URB1: variants seen among roughly 807,000 people sequenced by gnomAD.
The protein encoded by URB1 is URB1 ribosome biogenesis factor.
URB1 carries 197 observed loss-of-function variants against 242.3 expected under a neutral mutation model. The ratio of observed to expected loss-of-function variants is 0.81; its 90% CI spans 0.72 to 0.91. URB1 has a LOEUF of 0.91. Among genes scored for constraint, URB1 ranks in the 40% least tolerant of loss-of-function variants. URB1 has a pLI of 0.00. For missense variants in URB1, 2,721 were observed against 2,860.5 expected (o/e 0.95, Z 1.11); for synonymous variants, 1,153 against 1,201.8 (o/e 0.96, Z 0.84).
In URB1 at chr21:32,317,051, T is replaced by C; in HGVS notation, c.6049A>G (p.Lys2017Glu). ...ARELMKMLKD[K>E]NKPVMPARAK... ...CGGGCTGGCATGACAGGCTTGTTCT[T>C]ATCCTTGAGCATTTCTGTTAAATGC... The change falls in exon 38 of 39, where the codon AAG (lysine) becomes GAG (glutamate). Residue 2017 changes from lysine (K) to glutamate (E), a missense_variant. Lys to Glu is a moderately conservative substitution (Grantham distance 56). Coordinates refer to ENST00000382751, the MANE Select transcript of URB1 (RefSeq NM_014825.3). 2 of 1,539,712 alleles carry C rather than the reference T, an allele frequency of 1.3e-6. No homozygotes were observed. Among genetic ancestry groups the C allele is most frequent in the East Asian group, 2.4e-5 (1 of 40,818 alleles).
At position 32,334,287 on chromosome 21, in the gene URB1, C is replaced by T. The variant is rs143781762; in HGVS notation, c.4733G>A (p.Arg1578Gln). 262 of 1,551,544 alleles carry T rather than the reference C, an allele frequency of 1.7e-4. 2 individuals carry two copies. The African/African-American group carries it at 2.4e-3, about 14-fold the overall frequency. The change falls in exon 29 of 39, where the codon CGG becomes CAG. Residue 1578 changes from arginine to glutamine, a missense_variant. By Grantham distance (43) the Arg-to-Gln change is conservative. Coordinates refer to ENST00000382751, the MANE Select transcript of URB1 (RefSeq NM_014825.3). ...PAAVEHHKTCRSLGRSLWQQP... is the reference protein window; with the variant it reads ...PAAVEHHKTCQSLGRSLWQQP... The stretch of plus-strand genomic sequence containing the variant: ...CTGCCACAGTGACCTGCCCAGGCTC[C>T]GGCACGTCTTGTGATGCTCCACGGC...
At chr21:32,357,282 T>C (rs1045831514) in intron 15 of URB1, among the ~76,000 whole-genome samples, 2 of 149,738 alleles carry the variant, frequency 1.3e-5, no homozygotes, top group Non-Finnish European at 3.0e-5. Flanking sequence ...AAATTTAGTA[T>C]TGAGCCTACA....
intron 38 of URB1, 73 bp downstream of exon 38, chr21:32,316,393 C>T: frequency 6.9e-7 from 1 of 1,449,682 alleles, no homozygotes. Flanking sequence ...GTTCTAAGCA[C>T]AGAAATCACT....
At chr21:32,360,195 C>G (rs904502477) in intron 13 of URB1, among the ~76,000 whole-genome samples, 7 of 152,170 alleles carry the variant, frequency 4.6e-5, no homozygotes, top group Non-Finnish European at 8.8e-5. Context: ...TGGAATCAGG[C>G]ACCCACCAAG....
Position 32,321,842 on chromosome 21 carries a change from GGAT to G in URB1, c.5440_5442del (p.Ile1814del). 6.4e-7 allele frequency: 1 copy of G among 1,551,768 alleles called. No individual in the cohort carries two copies. The highest frequency in any genetic ancestry group is 8.7e-7 in the Non-Finnish European group (1 of 1,147,012). ...CACAGCGGGCTGTGGAAGAAGGACAGGATGATGTGGAAGATGCCACGCCGGGCA... is the reference window on the plus strand; with the variant it reads ...CACAGCGGGCTGTGGAAGAAGGACAGGATGTGGAAGATGCCACGCCGGGCA... On this transcript the variant is annotated inframe_deletion, in exon 34 of 39. Transcript: ENST00000382751.
intron 19 of URB1, 117 bp from the exon 20 acceptor site, chr21:32,351,039 A>G (rs2033151787): frequency 9.2e-7 from 1 of 1,091,696 alleles, no homozygotes; most frequent in Non-Finnish European, 1.3e-6. Flanking sequence ...ACATGCTGAG[A>G]TAAGACTAAC....
chr21:32,381,274 C>T (rs528088375), intron 4 of URB1, among the ~76,000 whole-genome samples: 1 of 152,310 alleles, frequency 6.6e-6, no homozygotes, highest in Admixed American at 6.5e-5. Context: ...TTCTGCAAAA[C>T]ACTGTCTAAA....
chr21:32,386,915 G>C (rs568897348), intron 1 of URB1, among the ~76,000 whole-genome samples: 2 of 152,138 alleles, frequency 1.3e-5, no homozygotes, highest in Non-Finnish European at 2.9e-5. Flanking sequence ...CTCCCTCCAC[G>C]AACTGGATGA....
chr21:32,337,560 C>T (rs1345576627), intron 26 of URB1, 46 bp from the exon 27 acceptor site: 2 of 1,479,166 alleles, frequency 1.4e-6, no homozygotes. Context: ...GGGGCAGACA[C>T]ACTGAATACC....
In URB1 at chr21:32,372,666, C is replaced by A. The variant is rs763818719; in HGVS notation, c.877-35G>T. On this transcript the variant is annotated intron_variant, in intron 7 of 38. Transcript: ENST00000382751. ...TTTTTTAAAAATTCAATGAAAATCCCAAGCTCATACACTTTAGTAAGAGCT... is the reference window on the plus strand; with the variant it reads ...TTTTTTAAAAATTCAATGAAAATCCAAAGCTCATACACTTTAGTAAGAGCT... 1.3e-4 allele frequency: 199 copies of A among 1,540,438 alleles called. 1 individual carries two copies. The highest frequency in any genetic ancestry group is 1.7e-4 in the Middle Eastern group (1 of 5,968).
At position 32,314,489 on chromosome 21, in the gene URB1, A is replaced by G. The variant is rs567037062; in HGVS notation, c.*429T>C. 1 of 1,519,930 alleles carries G rather than the reference A, an allele frequency of 6.6e-7. No individual in the cohort carries two copies. Among genetic ancestry groups the G allele is most frequent in the South Asian group, 1.1e-5 (1 of 88,878 alleles). The allele number at this position is 1,519,930 out of a possible 1,614,324, so 94.2% of individuals were successfully genotyped here. ...CGTGAGCCACCTCACCTGCTGAAAA[A>G]TAAACTTTAAACATCTCTCTTCGTT... is the stretch of plus-strand genomic sequence containing the variant. On this transcript the variant is annotated 3_prime_UTR_variant, in exon 39 of 39. Coordinates refer to ENST00000382751, the MANE Select transcript of URB1 (RefSeq NM_014825.3).
rs1445086759 is a variant in URB1 at position 32,344,763 on chromosome 21, C to T, written c.4071-7G>A. 7 of 1,549,076 alleles carry T rather than the reference C, an allele frequency of 4.5e-6. No homozygotes were observed. The East Asian group carries it at 9.8e-5, about 22-fold the overall frequency. ...GGAGTCGGCCACGATCCACCTGCAG[C>T]AGGAGATGAGAGTCAGAGACAGAGA... is the stretch of plus-strand genomic sequence containing the variant. On this transcript the variant is annotated splice_region_variant and splice_polypyrimidine_tract_variant and intron_variant, in intron 23 of 38. Coordinates refer to ENST00000382751, the MANE Select transcript of URB1 (RefSeq NM_014825.3).
chr21:32,378,742 C>T (rs1171752700), intron 4 of URB1, among the ~76,000 whole-genome samples: 1 of 152,150 alleles, frequency 6.6e-6, no homozygotes. Context: ...TCTCTTTCCC[C>T]GGTAATCTTC....
chr21:32,336,608 GC>G (rs1422026341), intron 28 of URB1, among the ~76,000 whole-genome samples: 1 of 152,114 alleles, frequency 6.6e-6, no homozygotes, highest in Admixed American at 6.6e-5. Context: ...AAGACTGGGA[GC>G]CCAGGAAAGA....
chr21:32,366,087 A>T (rs1375520905), intron 10 of URB1, among the ~76,000 whole-genome samples: 1 of 152,214 alleles, frequency 6.6e-6, no homozygotes, highest in African/African-American at 2.4e-5. Flanking sequence ...ATAAATAATG[A>T]TGTAAAATTT....
intron 5 of URB1, among the ~76,000 whole-genome samples, chr21:32,377,828 C>T (rs1272342603): frequency 1.3e-5 from 2 of 152,180 alleles, no homozygotes; most frequent in Non-Finnish European, 2.9e-5. Context: ...CTGCTCCTCA[C>T]CTCCAGACAG....
chr21:32,390,420 C>T (rs2033625220), intron 1 of URB1, among the ~76,000 whole-genome samples: 1 of 151,690 alleles, frequency 6.6e-6, no homozygotes, highest in Non-Finnish European at 1.5e-5. Context: ...GCATAAATGT[C>T]TTCTTTTGAG....
At chr21:32,365,151 G>A (rs1025948226) in intron 10 of URB1, among the ~76,000 whole-genome samples, 2 of 152,228 alleles carry the variant, frequency 1.3e-5, no homozygotes, top group African/African-American at 4.8e-5. Context: ...AGCCCACAGA[G>A]GAGGCACATC....
At chr21:32,344,856 G>T (rs1026509562) in intron 23 of URB1, 100 bp from the exon 24 acceptor site, 3 of 1,332,328 alleles carry the variant, frequency 2.3e-6, no homozygotes, top group African/African-American at 2.9e-5. Flanking sequence ...GATAGATGCT[G>T]AGTCCTGCTC....
Sources: allele counts gnomAD v4.1 joint callset (sites outside exome capture counted in the v4.1 genomes callset), GRCh38; gene constraint gnomAD v4.1.1; transcripts MANE v1.5; gene names NCBI Gene and HGNC (gene_info 2026-07-23, HGNC 2026-07-21).